The following LRCH2 variants were observed in gnomAD, a reference collection of about 807,000 sequenced individuals.
LRCH2 encodes leucine-rich repeat and calponin homology domain-containing protein 2.
A neutral mutation model predicts 68.9 loss-of-function variants in LRCH2; 38 were observed. The ratio of observed to expected loss-of-function variants is 0.55; its 90% CI spans 0.43 to 0.72. The LOEUF is 0.72. Among genes scored for constraint, LRCH2 ranks in the 30% least tolerant of loss-of-function variants. The pLI is 0.00. For synonymous variants in LRCH2, 191 were observed against 208.1 expected (o/e 0.92, Z 0.71); for missense variants, 528 against 572.9 (o/e 0.92, Z 0.80).
intron 14 of LRCH2, among the ~76,000 whole-genome samples, chrX:115,140,848 TA>T (rs2072331283): frequency 1.8e-5 from 2 of 110,633 alleles, no homozygotes; most frequent in African/African-American, 6.6e-5. Flanking sequence ...ATAATAACAC[TA>T]AATGTAAATG....
chrX:115,146,900 CAT>C (rs2072387472), intron 14 of LRCH2, among the ~76,000 whole-genome samples: 3 of 63,456 alleles, frequency 4.7e-5, no homozygotes, highest in African/African-American at 1.9e-4. Context: ...GGATTTCTTA[CAT>C]ACATACACAC....
chrX:115,132,646 A>G (rs1357147056), intron 14 of LRCH2, among the ~76,000 whole-genome samples: 1 of 111,862 alleles, frequency 8.9e-6, no homozygotes, highest in Non-Finnish European at 1.9e-5. Flanking sequence ...ACTATCACTA[A>G]TCTAGCAGCA....
intron 3 of LRCH2, among the ~76,000 whole-genome samples, chrX:115,181,126 T>C (rs1007283552): frequency 4.5e-5 from 5 of 111,260 alleles, no homozygotes; most frequent in Non-Finnish European, 7.6e-5. Flanking sequence ...ACAATAAAAG[T>C]GAAGGCGCTC....
intron 14 of LRCH2, among the ~76,000 whole-genome samples, chrX:115,132,403 A>G (rs1318230039): frequency 1.8e-5 from 2 of 111,057 alleles, no homozygotes; most frequent in African/African-American, 6.5e-5. Context: ...GATGTGTGGT[A>G]TTATTTCTGA....
intron 14 of LRCH2, among the ~76,000 whole-genome samples, chrX:115,144,969 A>G (rs1455284647): frequency 1.8e-5 from 2 of 112,146 alleles, no homozygotes; most frequent in Non-Finnish European, 3.8e-5. Flanking sequence ...TGAAACCACA[A>G]AAGACCAAGA....
intron 3 of LRCH2, 88 bp from the exon 4 acceptor site, chrX:115,179,839 A>C (rs55850753): frequency 1.4e-3 from 460 of 330,954 alleles, no homozygotes; most frequent in Non-Finnish European, 2.0e-3. Flanking sequence ...AAATTAAAGC[A>C]CATGGTTAAT....
intron 11 of LRCH2, 55 bp from the exon 12 acceptor site, chrX:115,156,722 T>C (rs2072477690): frequency 1.3e-6 from 1 of 752,584 alleles, no homozygotes; most frequent in South Asian, 3.9e-5. Flanking sequence ...TTACATCACA[T>C]GATATAAAAA....
At chrX:115,128,630 T>G (rs1356183051) in intron 15 of LRCH2, among the ~76,000 whole-genome samples, 1 of 112,257 alleles carries the variant, frequency 8.9e-6, no homozygotes, top group Non-Finnish European at 1.9e-5. Flanking sequence ...GCTACTATAC[T>G]CAAACACTGC....
In LRCH2 at chrX:115,179,709, C is replaced by G; in HGVS notation, c.664G>C (p.Gly222Arg). 8.6e-7 allele frequency: 1 copy of G among 1,162,590 alleles called. No individual in the cohort carries two copies. Among genetic ancestry groups the G allele is most frequent in the Non-Finnish European group, 1.1e-6 (1 of 872,859 alleles). Reference protein sequence around the residue: ...NEIQVLPQQMGKLHSLRELNI... With the variant: ...NEIQVLPQQMRKLHSLRELNI... Reference sequence around the variant, plus strand: ...AGCTCTCTAAGTGAATGTAATTTTCCCATTTGTTGGGGAAGGACTTGAATC... The same window carrying G: ...AGCTCTCTAAGTGAATGTAATTTTCGCATTTGTTGGGGAAGGACTTGAATC... The change falls in exon 4 of 21, where the codon GGA (glycine) becomes CGA (arginine). Residue 222 changes from glycine to arginine, a missense_variant. Coordinates refer to ENST00000317135, the MANE Select transcript of LRCH2 (RefSeq NM_020871.4).
intron 5 of LRCH2, 114 bp from the exon 6 acceptor site, chrX:115,170,546 A>G: frequency 1.4e-6 from 1 of 696,794 alleles, no homozygotes. Context: ...CTTGATTGAT[A>G]CTTTGCATAT....
At chrX:115,130,815 T>A (rs2072237221) in intron 14 of LRCH2, among the ~76,000 whole-genome samples, 1 of 111,820 alleles carries the variant, frequency 8.9e-6, no homozygotes, top group Non-Finnish European at 1.9e-5. Context: ...CCATTTAATC[T>A]TCTTAACAAC....
At chrX:115,172,752 ATT>A (rs35680669) in intron 5 of LRCH2, among the ~76,000 whole-genome samples, 7 of 82,713 alleles carry the variant, frequency 8.5e-5, no homozygotes, top group Admixed American at 1.5e-4. Flanking sequence ...CTTACTTTCT[ATT>A]TTTTTTTTTT....
At chrX:115,116,588 TTA>T (rs1164838024) in intron 20 of LRCH2, among the ~76,000 whole-genome samples, 1 of 111,455 alleles carries the variant, frequency 9.0e-6, no homozygotes, top group Non-Finnish European at 1.9e-5. Context: ...CAGATTGTTG[TTA>T]ACTGTTGCTG....
intron 16 of LRCH2, among the ~76,000 whole-genome samples, chrX:115,124,443 T>C (rs939982333): frequency 1.8e-5 from 2 of 112,384 alleles, no homozygotes; most frequent in Admixed American, 1.9e-4. Flanking sequence ...GAATGATAGA[T>C]GATAAATATC....
At chrX:115,149,775 A>G (rs1222465921) in intron 14 of LRCH2, 52 bp downstream of exon 14, 28 of 820,147 alleles carry the variant, frequency 3.4e-5, no homozygotes, top group Non-Finnish European at 3.4e-6. Context: ...CAAAACTGAC[A>G]AAATAAAAAC....
At chrX:115,200,111 A>G (rs151228595) in intron 1 of LRCH2, among the ~76,000 whole-genome samples, 2,784 of 111,999 alleles carry the variant, frequency 0.025, 90 homozygotes, top group African/African-American at 0.086. Flanking sequence ...GAAACACAAC[A>G]AACCAAAACC....
intron 1 of LRCH2, among the ~76,000 whole-genome samples, chrX:115,232,555 T>C (rs1556578796): frequency 9.0e-6 from 1 of 111,639 alleles, no homozygotes; most frequent in East Asian, 2.8e-4. Flanking sequence ...CCCACTTTGT[T>C]CCAACACAAA....
intron 15 of LRCH2, among the ~76,000 whole-genome samples, 157 bp downstream of exon 15, chrX:115,129,998 T>C (rs1488133664): frequency 9.0e-6 from 1 of 111,320 alleles, no homozygotes; most frequent in Non-Finnish European, 1.9e-5. Flanking sequence ...AATTAATAAT[T>C]GTATGATGAT....
At chrX:115,152,057 G>T (rs1313281058) in intron 12 of LRCH2, among the ~76,000 whole-genome samples, 1 of 111,377 alleles carries the variant, frequency 9.0e-6, no homozygotes, top group Non-Finnish European at 1.9e-5. Flanking sequence ...CTAGGCAAAA[G>T]GATAAAATCA....
Sources: allele counts gnomAD v4.1 joint callset (sites outside exome capture counted in the v4.1 genomes callset), GRCh38; gene constraint gnomAD v4.1.1; transcripts MANE v1.5; gene names NCBI Gene and HGNC (gene_info 2026-07-23, HGNC 2026-07-21).